DAB1: variants seen among roughly 807,000 people sequenced by gnomAD.
The protein encoded by DAB1 is disabled homolog 1.
A neutral mutation model predicts 64.6 loss-of-function variants in DAB1; 15 were observed. That is an observed-to-expected ratio of 0.23 (90% CI 0.16 to 0.36). The LOEUF is 0.36. Ranked by LOEUF, DAB1 falls within the 10% of genes least tolerant of loss-of-function variation. The probability of loss-of-function intolerance (pLI) is 1.00; values close to 1 mark genes in which losing one functional copy is unlikely to be tolerated. For missense variants in DAB1, 596 were observed against 706.7 expected (o/e 0.84, Z 1.78); for synonymous variants, 235 against 251.9 (o/e 0.93, Z 0.64).
At chr1:58,453,095 A>G (rs1645156386) in intron 3 of DAB1, among the ~76,000 whole-genome samples, 1 of 152,330 alleles carries the variant, frequency 6.6e-6, no homozygotes. Flanking sequence ...ACATGGATGA[A>G]TCTCAAAGGC....
intron 1 of DAB1, among the ~76,000 whole-genome samples, chr1:57,349,876 A>T (rs1428878519): frequency 6.6e-6 from 1 of 152,208 alleles, no homozygotes; most frequent in Non-Finnish European, 1.5e-5. Context: ...CCTCCTCTTT[A>T]CCTCAATAAT....
intron 3 of DAB1, among the ~76,000 whole-genome samples, chr1:58,473,611 C>T (rs1473788773): frequency 3.9e-5 from 6 of 151,928 alleles, no homozygotes; most frequent in East Asian, 1.9e-4. Flanking sequence ...ATTTTATCTG[C>T]CTCATAGAAT....
At chr1:57,228,355 A>G (rs1471005725) in intron 2 of DAB1, among the ~76,000 whole-genome samples, 1 of 152,214 alleles carries the variant, frequency 6.6e-6, no homozygotes, top group Non-Finnish European at 1.5e-5. Flanking sequence ...AAATATGTGT[A>G]TATAGAATAC....
Position 58,107,475 on chromosome 1 carries a change from A to C in DAB1, n.387+43036T>G, listed in dbSNP as rs577727150. 4.0e-3 allele frequency among the ~76,000 whole-genome samples: 600 copies of C among 151,790 alleles called. 5 individuals carry two copies. Among genetic ancestry groups the C allele is most frequent in the African/African-American group, 0.014 (579 of 41,440 alleles). ...GACAGCAAGACTCCATCTCCAAAAA[A>C]AAAAAAAAAATCTAAAAAAAGTAAT... On this transcript the variant is annotated intron_variant and non_coding_transcript_variant, in intron 5 of 20. Coordinates refer to the DAB1 transcript ENST00000485760.
chr1:58,120,048 T>G (rs889440260), intron 5 of DAB1, among the ~76,000 whole-genome samples: 4 of 152,170 alleles, frequency 2.6e-5, no homozygotes, highest in Non-Finnish European at 5.9e-5. Flanking sequence ...TCCCAGAGCC[T>G]GAAATGTCCT....
intron 4 of DAB1, among the ~76,000 whole-genome samples, chr1:58,230,120 T>A (rs1325136063): frequency 6.6e-6 from 1 of 152,178 alleles, no homozygotes; most frequent in Admixed American, 6.5e-5. Context: ...GTTTCATTCC[T>A]TTTTCATTAA....
At chr1:57,954,807 G>A (rs1203015050) in intron 5 of DAB1, among the ~76,000 whole-genome samples, 10 of 152,172 alleles carry the variant, frequency 6.6e-5, no homozygotes, top group Admixed American at 6.5e-4. Flanking sequence ...TCACTTTTGT[G>A]TAGTGCTCTG....
intron 1 of DAB1, among the ~76,000 whole-genome samples, chr1:57,840,013 C>G (rs1026167810): frequency 2.0e-5 from 3 of 152,162 alleles, no homozygotes; most frequent in Admixed American, 6.5e-5. Context: ...AGGCTAATTT[C>G]ATATAAAATT....
chr1:57,078,977 A>T (rs918413371), intron 4 of DAB1, among the ~76,000 whole-genome samples: 1 of 152,198 alleles, frequency 6.6e-6, no homozygotes, highest in Non-Finnish European at 1.5e-5. Context: ...ATTTGCTATA[A>T]GATGAAATAG....
chr1:57,172,387 T>G (rs1661861220), intron 2 of DAB1, among the ~76,000 whole-genome samples: 1 of 152,186 alleles, frequency 6.6e-6, no homozygotes, highest in Non-Finnish European at 1.5e-5. Context: ...AAGAAGACCA[T>G]GTTTCTCTTC....
intron 4 of DAB1, among the ~76,000 whole-genome samples, chr1:57,081,025 T>C (rs3768188): frequency 0.16 from 24,809 of 151,990 alleles, 2,690 homozygotes; most frequent in East Asian, 0.49. Flanking sequence ...CATGTGCATA[T>C]ATGGAAGTTG....
intron 7 of DAB1, among the ~76,000 whole-genome samples, chr1:57,527,601 C>T (rs910319147): frequency 3.3e-5 from 5 of 152,124 alleles, no homozygotes; most frequent in African/African-American, 1.2e-4. Context: ...CAGATACATA[C>T]ATAAAAGTGC....
intron 3 of DAB1, among the ~76,000 whole-genome samples, chr1:58,476,959 A>G (rs917533233): frequency 3.3e-5 from 5 of 152,204 alleles, no homozygotes; most frequent in African/African-American, 1.2e-4. Flanking sequence ...ACTGCTGGAC[A>G]CACATTGACT....
rs552194965 is a variant in DAB1, at chr1:58,256,617, C to G, written n.309+86735G>C. Among the ~76,000 whole-genome samples the G allele has an allele frequency of 2.0e-5, 3 of 152,252 alleles. No individual in the cohort carries two copies. In the South Asian group the frequency reaches 6.2e-4, roughly 32 times the overall value. On this transcript the variant is annotated intron_variant and non_coding_transcript_variant, in intron 4 of 20. Transcript: ENST00000485760. ...GTGTGCATTAGCTCATTGAATCCTC[C>G]CCAAGGTTCTCACAATGTTAGTTTA...
At chr1:57,577,675 A>AG (rs563181628) in intron 7 of DAB1, among the ~76,000 whole-genome samples, 7 of 152,136 alleles carry the variant, frequency 4.6e-5, no homozygotes, top group African/African-American at 1.4e-4. Flanking sequence ...AATCCACTCT[A>AG]GGGGGAGGGG....
At chr1:58,358,466 C>T (rs921738819) in intron 3 of DAB1, among the ~76,000 whole-genome samples, 2 of 152,174 alleles carry the variant, frequency 1.3e-5, no homozygotes, top group Non-Finnish European at 2.9e-5. Context: ...ACAACTCAGA[C>T]TGAACATGAC....
intron 3 of DAB1, among the ~76,000 whole-genome samples, chr1:58,462,113 C>CTTTTTTT (rs1168740907): frequency 1.3e-4 from 7 of 54,262 alleles, no homozygotes; most frequent in African/African-American, 2.1e-4. Flanking sequence ...GAGAAGGTTT[C>CTTTTTTT]TTTTTTTTTT....
chr1:57,234,646 G>C (rs1667956161), intron 2 of DAB1, among the ~76,000 whole-genome samples: 1 of 152,114 alleles, frequency 6.6e-6, no homozygotes. Context: ...AGCTCTGTAG[G>C]TCAAAAGTCC....
intron 5 of DAB1, among the ~76,000 whole-genome samples, chr1:58,125,043 T>C (rs1268130687): frequency 1.3e-5 from 2 of 152,184 alleles, no homozygotes; most frequent in Non-Finnish European, 2.9e-5. Flanking sequence ...TTTCTAACTT[T>C]TCTGGGATAT....
Sources: allele counts gnomAD v4.1 joint callset (sites outside exome capture counted in the v4.1 genomes callset), GRCh38; gene constraint gnomAD v4.1.1; transcripts MANE v1.5; gene names NCBI Gene and HGNC (gene_info 2026-07-23, HGNC 2026-07-21).